The following UBE2W variants were observed in gnomAD, a reference collection of about 807,000 sequenced individuals.
The protein encoded by UBE2W is ubiquitin-conjugating enzyme E2 W.
A neutral mutation model predicts 27.2 loss-of-function variants in UBE2W; 18 were observed. The ratio of observed to expected loss-of-function variants is 0.66; its 90% CI spans 0.46 to 0.98. The LOEUF (loss-of-function observed/expected upper bound fraction) is 0.98, where lower values mean the gene tolerates loss of function less well. Among genes scored for constraint, UBE2W ranks in the 50% least tolerant of loss-of-function variants. UBE2W has a pLI of 0.00. For missense variants in UBE2W, 90 were observed against 180.2 expected, an observed-to-expected ratio of 0.50 and a Z score of 2.87; for synonymous variants, 53 against 57.2, an observed-to-expected ratio of 0.93 and a Z score of 0.33.
At chr8:73,806,425 C>A (rs896192165) in intron 4 of UBE2W, among the ~76,000 whole-genome samples, 2 of 150,278 alleles carry the variant, frequency 1.3e-5, no homozygotes, top group Admixed American at 6.7e-5. Flanking sequence ...AAGGGCCAGG[C>A]GCGGTGGCTC....
downstream of UBE2W, among the ~76,000 whole-genome samples, chr8:73,781,635 T>A (rs565790589): frequency 2.6e-3 from 391 of 151,286 alleles, no homozygotes; most frequent in African/African-American, 8.6e-3. Flanking sequence ...TTTTTTTTTT[T>A]TTATTTTTAA....
At chr8:73,863,633 C>T (rs1245930737) in intron 1 of UBE2W, among the ~76,000 whole-genome samples, 6 of 151,676 alleles carry the variant, frequency 4.0e-5, no homozygotes, top group Non-Finnish European at 1.5e-5. Flanking sequence ...TGGTGAGTGC[C>T]TGTAATCCCA....
intron 5 of UBE2W, among the ~76,000 whole-genome samples, chr8:73,800,555 G>A (rs1808594556): frequency 6.6e-6 from 1 of 152,096 alleles, no homozygotes; most frequent in African/African-American, 2.4e-5. Context: ...TTGCATTGGG[G>A]GAGCGGGGAG....
chr8:73,860,519 CAA>C (rs747362789), intron 1 of UBE2W, among the ~76,000 whole-genome samples: 8 of 152,040 alleles, frequency 5.3e-5, no homozygotes, highest in Admixed American at 1.3e-4. Flanking sequence ...CTAATAAAGA[CAA>C]AGTGTCTTTA....
chr8:73,834,609 T>C (rs1427902384), intron 1 of UBE2W, among the ~76,000 whole-genome samples: 1 of 152,122 alleles, frequency 6.6e-6, no homozygotes, highest in African/African-American at 2.4e-5. Context: ...AGAACTTGTC[T>C]CTAATAACAT....
chr8:73,825,629 G>A (rs987964064), intron 2 of UBE2W, among the ~76,000 whole-genome samples: 30 of 152,060 alleles, frequency 2.0e-4, no homozygotes, highest in Non-Finnish European at 2.5e-4. Context: ...TGGTGAAACC[G>A]GTCTCTACTA....
At chr8:73,809,039 C>A (rs749499485) in intron 4 of UBE2W, among the ~76,000 whole-genome samples, 23 of 152,166 alleles carry the variant, frequency 1.5e-4, no homozygotes, top group Non-Finnish European at 3.1e-4. Context: ...TACCGTCTCA[C>A]CTTTCTATAG....
intron 1 of UBE2W, among the ~76,000 whole-genome samples, chr8:73,868,413 G>A (rs568362347): frequency 6.6e-6 from 1 of 152,358 alleles, no homozygotes; most frequent in South Asian, 2.1e-4. Context: ...TCATCTGTCT[G>A]TTCAATTGTA....
intron 1 of UBE2W, among the ~76,000 whole-genome samples, chr8:73,850,742 A>C (rs1437474001): frequency 2.0e-5 from 3 of 150,920 alleles, no homozygotes; most frequent in Non-Finnish European, 4.4e-5. Context: ...AAAAAAAAAA[A>C]AAAAAAAACA....
chr8:73,803,679 A>T (rs887516540), intron 5 of UBE2W, among the ~76,000 whole-genome samples: 3 of 151,850 alleles, frequency 2.0e-5, no homozygotes, highest in African/African-American at 7.3e-5. Context: ...TCTTCTTCTA[A>T]GTCATATGTA....
At chr8:73,848,200 A>ATAAG (rs1401445343) in intron 1 of UBE2W, among the ~76,000 whole-genome samples, 2 of 151,718 alleles carry the variant, frequency 1.3e-5, no homozygotes, top group African/African-American at 4.9e-5. Flanking sequence ...CTCAAAATAA[A>ATAAG]TAAGTAAATA....
chr8:73,791,104 T>A lies in UBE2W; in HGVS notation c.*2998A>T. The A allele has an allele frequency of 1.0e-6, 1 of 985,004 alleles. No homozygotes were observed. The highest frequency in any genetic ancestry group is 1.2e-6 in the Non-Finnish European group (1 of 829,614). The allele number at this position is 985,004 out of a possible 1,614,324, so 61.0% of individuals were successfully genotyped here. ...TTCTGGGGATTAAAAATGATTTATTTCCCTGCTGGCTAAAATGATAAATTA... is the reference window on the plus strand; with the variant it reads ...TTCTGGGGATTAAAAATGATTTATTACCCTGCTGGCTAAAATGATAAATTA... On this transcript the variant is annotated 3_prime_UTR_variant, in exon 6 of 6. Coordinates refer to ENST00000602593, the MANE Select transcript of UBE2W (RefSeq NM_018299.6).
chr8:73,787,714 C>A lies in UBE2W; in HGVS notation c.*6388G>T, dbSNP rs921876397. On this transcript the variant is annotated 3_prime_UTR_variant, in exon 6 of 6. Transcript: ENST00000602593. Reference sequence around the variant, plus strand: ...CCTCTTCTTGCAGCTTCAAGAGTCACTCATTTAAGTCATTAGTTGATCTGT... The same window carrying A: ...CCTCTTCTTGCAGCTTCAAGAGTCAATCATTTAAGTCATTAGTTGATCTGT... The A allele has an allele frequency of 8.1e-6, 8 of 985,314 alleles. No homozygotes were observed. In the African/African-American group the frequency reaches 1.2e-4, roughly 15 times the overall value. 61.0% of individuals were successfully genotyped at this position (985,314 alleles called of 1,614,324 possible).
At chr8:73,827,822 G>C (rs371848441) in intron 2 of UBE2W, among the ~76,000 whole-genome samples, 1 of 152,236 alleles carries the variant, frequency 6.6e-6, no homozygotes, top group Admixed American at 6.5e-5. Flanking sequence ...TGAGATTACA[G>C]GCATGAGCCA....
At chr8:73,864,587 T>C (rs1167389620) in intron 1 of UBE2W, among the ~76,000 whole-genome samples, 2 of 152,110 alleles carry the variant, frequency 1.3e-5, no homozygotes, top group Non-Finnish European at 2.9e-5. Flanking sequence ...AGACTTTCTT[T>C]TTGAGACAGA....
At chr8:73,805,472 C>CAAAAAAAACAAAAAAAAAAAAAAAAA (rs1554579996) in intron 5 of UBE2W, among the ~76,000 whole-genome samples, 179 bp downstream of exon 5, 1 of 43,676 alleles carries the variant, frequency 2.3e-5, no homozygotes, top group African/African-American at 6.0e-5. Flanking sequence ...AAAAAAAAAA[C>CAAAAAAAACAAAAAAAAAAAAAAAAA]AAAAAAAACT....
At chr8:73,856,627 T>C (rs1811314438) in intron 1 of UBE2W, among the ~76,000 whole-genome samples, 1 of 152,086 alleles carries the variant, frequency 6.6e-6, no homozygotes, top group African/African-American at 2.4e-5. Flanking sequence ...AATGCTGAGA[T>C]TACAGGCATG....
intron 5 of UBE2W, among the ~76,000 whole-genome samples, chr8:73,799,585 A>T (rs1808555062): frequency 6.6e-6 from 1 of 152,172 alleles, no homozygotes; most frequent in Non-Finnish European, 1.5e-5. Flanking sequence ...AAGTATATAT[A>T]CAATCACTAA....
chr8:73,810,535 G>A lies in UBE2W; in HGVS notation c.305C>T (p.Ala102Val), dbSNP rs576310679. 2 of 1,612,672 alleles carry A rather than the reference G, an allele frequency of 1.2e-6. No homozygotes were observed. The highest frequency in any genetic ancestry group is 1.1e-5 in the South Asian group (1 of 90,970). Residue 102 changes from alanine to valine, a missense_variant, in exon 4 of 6, where the codon GCG becomes GTG. Physicochemically the swap from Ala to Val is moderately conservative, Grantham distance 64. Coordinates refer to ENST00000602593, the MANE Select transcript of UBE2W (RefSeq NM_018299.6). Reference sequence around the variant, plus strand: ...AAGACAAACTGATTGGACTGAGAGCGCTGGGGACCAGTCTTCTGTTAGAAT... The same window carrying A: ...AAGACAAACTGATTGGACTGAGAGCACTGGGGACCAGTCTTCTGTTAGAAT... ...LSILTEDWSP[A>V]LSVQSVCLSI... is the part of the protein sequence containing the mutation.
Sources: gnomAD v4.1 joint callset for allele counts (sites outside exome capture counted in the v4.1 genomes callset) on GRCh38, gnomAD v4.1.1 for gene constraint, MANE v1.5 for transcripts, NCBI Gene and HGNC (gene_info 2026-07-23, HGNC 2026-07-21) for gene names.